The following AGFG1 variants were observed in gnomAD, a reference collection of about 807,000 sequenced individuals.
AGFG1 encodes the protein ArfGAP with FG repeats 1, also known as arf-GAP domain and FG repeat-containing protein 1.
AGFG1 carries 10 observed loss-of-function variants against 60.6 expected under a neutral mutation model. The observed-to-expected ratio is 0.16, with a 90% CI of 0.10 to 0.28. The LOEUF (loss-of-function observed/expected upper bound fraction) is 0.28, where lower values mean the gene tolerates loss of function less well. Among genes scored for constraint, AGFG1 ranks in the 10% least tolerant of loss-of-function variants. The probability of loss-of-function intolerance (pLI) is 1.00; values close to 1 mark genes in which losing one functional copy is unlikely to be tolerated. For missense variants in AGFG1, 537 were observed against 676.5 expected (o/e 0.79, Z 2.29); for synonymous variants, 247 against 242.9 (o/e 1.02, Z -0.16).
rs1044502969 is a variant in AGFG1 at position 227,542,876 on chromosome 2, T to C, written c.1378+5883T>C. Reference sequence around the variant, plus strand: ...GGGATTCAACTTCATCCTGGTTTAGTCTTGAGAGGGTGTTGTATGTGTCCA... The same window carrying C: ...GGGATTCAACTTCATCCTGGTTTAGCCTTGAGAGGGTGTTGTATGTGTCCA... On this transcript the variant is annotated intron_variant, in intron 10 of 12. Transcript: ENST00000310078. Among the ~76,000 whole-genome samples, 6 of 3,692 alleles carry C rather than the reference T, an allele frequency of 1.6e-3. No homozygotes were observed. The Admixed American group carries it at 0.025, about 16-fold the overall frequency. 2.4% of individuals were successfully genotyped at this position (3,692 alleles called of 152,430 possible).
At chr2:227,502,902 T>C (rs1381520787) in intron 2 of AGFG1, among the ~76,000 whole-genome samples, 3 of 152,162 alleles carry the variant, frequency 2.0e-5, no homozygotes, top group Non-Finnish European at 1.5e-5. Context: ...GAAAACACTT[T>C]TCTTTCCTCG....
rs1009860181 is a variant in AGFG1 at position 227,558,147 on chromosome 2, C to A, written c.*3652C>A. On this transcript the variant is annotated 3_prime_UTR_variant, in exon 13 of 13. Coordinates refer to ENST00000310078, the MANE Select transcript of AGFG1 (RefSeq NM_004504.5). Reference sequence around the variant, plus strand: ...AACAATTTTCATATTTCATCTCTTACAATCCCTGCAGTGGACCTATACTTT... The same window carrying A: ...AACAATTTTCATATTTCATCTCTTAAAATCCCTGCAGTGGACCTATACTTT... The A allele has an allele frequency of 1.3e-5, 2 of 152,138 alleles. No homozygotes were observed. Among genetic ancestry groups the A allele is most frequent in the Non-Finnish European group, 2.9e-5 (2 of 68,032 alleles). 9.4% of individuals were successfully genotyped at this position (152,138 alleles called of 1,614,324 possible).
rs1693079377 is a variant in AGFG1 at position 227,559,606 on chromosome 2, T to C, written c.*5111T>C. On this transcript the variant is annotated 3_prime_UTR_variant, in exon 13 of 13. Transcript: ENST00000310078. The stretch of plus-strand genomic sequence containing the variant: ...AAGATAAGTGATCCTAGATAAAATA[T>C]TTTAGATGGTGATTAAAATGCCCAT... 6.6e-6 allele frequency: 1 copy of C among 152,130 alleles called. No individual in the cohort carries two copies. The allele number at this position is 152,130 out of a possible 1,614,324, so 9.4% of individuals were successfully genotyped here.
In AGFG1 at chr2:227,558,147, C is replaced by G. The variant is rs1009860181; in HGVS notation, c.*3652C>G. ...AACAATTTTCATATTTCATCTCTTACAATCCCTGCAGTGGACCTATACTTT... is the reference window on the plus strand; with the variant it reads ...AACAATTTTCATATTTCATCTCTTAGAATCCCTGCAGTGGACCTATACTTT... On this transcript the variant is annotated 3_prime_UTR_variant, in exon 13 of 13. Coordinates refer to ENST00000310078, the MANE Select transcript of AGFG1 (RefSeq NM_004504.5). The G allele has an allele frequency of 1.3e-5, 2 of 152,138 alleles. No homozygotes were observed. The highest frequency in any genetic ancestry group is 2.1e-4 in the South Asian group (1 of 4,834). 9.4% of individuals were successfully genotyped at this position (152,138 alleles called of 1,614,324 possible).
At chr2:227,531,312 C>A (rs75511074) in intron 6 of AGFG1, 102 bp downstream of exon 6, 49,478 of 1,343,076 alleles carry the variant, frequency 0.037, 1,156 homozygotes, top group African/African-American at 0.1. Context: ...CTGTAATTAT[C>A]TGACTTTAAA....
At chr2:227,536,499 A>G (rs1692317822) in intron 8 of AGFG1, 126 bp from the exon 9 acceptor site, 2 of 663,608 alleles carry the variant, frequency 3.0e-6, no homozygotes, top group South Asian at 2.0e-5. Context: ...AAATGTCTTA[A>G]TTTTCTTTGT....
At chr2:227,518,622 C>A (rs558527367) in intron 2 of AGFG1, among the ~76,000 whole-genome samples, 3 of 149,178 alleles carry the variant, frequency 2.0e-5, no homozygotes, top group African/African-American at 7.4e-5. Flanking sequence ...TTCCTGGGTT[C>A]AAGCCATTCT....
At chr2:227,493,341 C>T (rs1037040890) in intron 2 of AGFG1, among the ~76,000 whole-genome samples, 16 of 152,018 alleles carry the variant, frequency 1.1e-4, no homozygotes, top group African/African-American at 2.7e-4. Context: ...CCCCTGTTGC[C>T]CCGATTCTAC....
At chr2:227,498,931 C>T (rs889486200) in intron 2 of AGFG1, among the ~76,000 whole-genome samples, 2 of 152,110 alleles carry the variant, frequency 1.3e-5, no homozygotes, top group African/African-American at 2.4e-5. Context: ...TTACTTGACT[C>T]GAATTAAAAC....
intron 10 of AGFG1, among the ~76,000 whole-genome samples, chr2:227,542,706 A>G (rs1328535670): frequency 1.3e-5 from 2 of 152,014 alleles, no homozygotes; most frequent in Non-Finnish European, 2.9e-5. Flanking sequence ...CTCTTTTTCT[A>G]TTGATTGGAA....
intron 10 of AGFG1, among the ~76,000 whole-genome samples, chr2:227,544,598 G>T (rs1000163107): frequency 6.6e-6 from 1 of 152,092 alleles, no homozygotes; most frequent in Non-Finnish European, 1.5e-5. Flanking sequence ...GACTGGTACC[G>T]GTTGTTCTTT....
chr2:227,532,058 T>C, intron 6 of AGFG1: 4 of 1,137,690 alleles, frequency 3.5e-6, no homozygotes, highest in Non-Finnish European at 4.9e-6. Context: ...CTCTGTGTAT[T>C]GTCTTAAAGC....
In AGFG1 at chr2:227,524,899, T is replaced by G; in HGVS notation, c.678T>G (p.His226Gln). 6.2e-7 allele frequency: 1 copy of G among 1,614,132 alleles called. No homozygotes were observed. The highest frequency in any genetic ancestry group is 8.5e-7 in the Non-Finnish European group (1 of 1,179,966). The change falls in exon 5 of 13, where the codon CAT (histidine) becomes CAG (glutamine). Residue 226 changes from histidine (H) to glutamine (Q), a missense_variant. His to Gln is a conservative substitution (Grantham distance 24). Transcript: ENST00000310078. The stretch of plus-strand genomic sequence containing the variant: ...CAGCCAATTTTGCTAACTTTGCACA[T>G]TTCAACAGTCATGCAGGTAAGTGTT... ...TATANFANFA[H>Q]FNSHAAQNSA...
At chr2:227,508,707 T>A in intron 2 of AGFG1, 1 of 442,798 alleles carries the variant, frequency 2.3e-6, no homozygotes, top group Admixed American at 2.7e-5. Flanking sequence ...TTTTTCTTTT[T>A]AGGAAATAAT....
intron 5 of AGFG1, among the ~76,000 whole-genome samples, chr2:227,530,840 A>G (rs1015149717): frequency 3.3e-5 from 5 of 152,162 alleles, no homozygotes; most frequent in Non-Finnish European, 5.9e-5. Context: ...GCTTGAGGTC[A>G]TATACAGAGT....
rs7424925 is a variant in AGFG1, at chr2:227,521,415, G to C, written c.377+1352G>C. ...GCAAGATTAGTCAGGGCTATATTCA[G>C]CTGTACTAGAAGACATCAAGTATGA... is the stretch of plus-strand genomic sequence containing the variant. On this transcript the variant is annotated intron_variant, in intron 3 of 12. Transcript: ENST00000310078. Among the ~76,000 whole-genome samples, 3 of 152,132 alleles carry C rather than the reference G, an allele frequency of 2.0e-5. No homozygotes were observed. The South Asian group carries it at 6.2e-4, about 32-fold the overall frequency.
At chr2:227,485,242 T>C (rs1440344937) in intron 1 of AGFG1, among the ~76,000 whole-genome samples, 1 of 98,904 alleles carries the variant, frequency 1.0e-5, no homozygotes, top group Non-Finnish European at 1.9e-5. Context: ...CCGAATCGTT[T>C]CTTTTTTTTT....
At position 227,551,940 on chromosome 2, in the gene AGFG1, A is replaced by G. The variant is rs1451754920; in HGVS notation, c.1379-19A>G. On this transcript the variant is annotated intron_variant, in intron 10 of 12. Transcript: ENST00000310078. ...CATATCCTGTTGTATGTAACTGATC[A>G]GCCCTTCTCTTCTGTCAGCGGCAAC... is the stretch of plus-strand genomic sequence containing the variant. 4 of 1,612,726 alleles carry G rather than the reference A, an allele frequency of 2.5e-6. No individual in the cohort carries two copies. The highest frequency in any genetic ancestry group is 1.3e-5 in the African/African-American group (1 of 74,894).
At chr2:227,553,894 TATATTG>T (rs67188567) in intron 12 of AGFG1, 99 bp downstream of exon 12, 64,054 of 812,870 alleles carry the variant, frequency 0.079, 3,041 homozygotes, top group Admixed American at 0.13. Context: ...TATTTGGTGT[TATATTG>T]ATATGAGTGA....
Sources: allele counts gnomAD v4.1 joint callset (sites outside exome capture counted in the v4.1 genomes callset), GRCh38; gene constraint gnomAD v4.1.1; transcripts MANE v1.5; gene names NCBI Gene and HGNC (gene_info 2026-07-23, HGNC 2026-07-21).